MAP3K5: variants seen among roughly 807,000 people sequenced by gnomAD.
MAP3K5 encodes mitogen-activated protein kinase kinase kinase 5, also known as ASK-1.
Under a neutral mutation model 158.7 loss-of-function variants are expected in MAP3K5, and 56 were observed. The observed-to-expected ratio is 0.35, with a 90% CI of 0.28 to 0.44. The LOEUF is 0.44. Among genes scored for constraint, MAP3K5 ranks in the 20% least tolerant of loss-of-function variants. MAP3K5 has a pLI of 1.00. For missense variants in MAP3K5, 1,294 were observed against 1,674.8 expected, an observed-to-expected ratio of 0.77 and a Z score of 3.97; for synonymous variants, 579 against 601.7, an observed-to-expected ratio of 0.96 and a Z score of 0.55.
At chr6:136,677,448 A>G (rs542227771) in intron 7 of MAP3K5, among the ~76,000 whole-genome samples, 1 of 152,286 alleles carries the variant, frequency 6.6e-6, no homozygotes, top group South Asian at 2.1e-4. Flanking sequence ...TCTCCACTTT[A>G]ACTGAAGATG....
rs1186869347 is a variant in MAP3K5 at position 136,557,788 on chromosome 6, A to G, written c.4095T>C (p.Ala1365=). The G allele has an allele frequency of 1.2e-6, 2 of 1,612,616 alleles. No individual in the cohort carries two copies. Among genetic ancestry groups the G allele is most frequent in the African/African-American group, 1.3e-5 (1 of 74,892 alleles). ...RGGMLCTLWK[A]IIDFRNKQT ...TCTGTTTGTTTCGAAAGTCAATGAT[A>G]GCCTTCCACAGTGTGCACAGCATCC... The change falls in exon 30 of 30, where the codon GCT becomes GCC. Residue 1365 remains alanine, a synonymous_variant. Coordinates refer to ENST00000359015, the MANE Select transcript of MAP3K5 (RefSeq NM_005923.4).
chr6:136,622,710 C>CG, intron 15 of MAP3K5, 138 bp downstream of exon 15: 2 of 914,260 alleles, frequency 2.2e-6, no homozygotes, highest in Non-Finnish European at 3.4e-6. Flanking sequence ...GATGCAGCAG[C>CG]GAAACCTCAG....
intron 11 of MAP3K5, among the ~76,000 whole-genome samples, chr6:136,645,332 C>A (rs1029417774): frequency 7.9e-5 from 12 of 152,144 alleles, no homozygotes; most frequent in Non-Finnish European, 1.5e-4. Context: ...AGCATCAAAT[C>A]ATCTTAATCT....
intron 14 of MAP3K5, chr6:136,636,744 A>T (rs1362874276): frequency 1.2e-6 from 1 of 803,060 alleles, no homozygotes; most frequent in East Asian, 1.3e-4. Flanking sequence ...GGAATTCAAG[A>T]CCAGTCTGGG....
chr6:136,769,793 A>AAGGAAGGAAGGAAGGAAGGG (rs1444283215), intron 1 of MAP3K5, among the ~76,000 whole-genome samples: 1 of 15,804 alleles, frequency 6.3e-5, no homozygotes, highest in Admixed American at 8.4e-4. Flanking sequence ...GGAAGGAAGG[A>AAGGAAGGAAGGAAGGAAGGG]AGGGAGGGAG....
chr6:136,762,191 A>C (rs1036449606), intron 1 of MAP3K5, among the ~76,000 whole-genome samples: 1 of 152,134 alleles, frequency 6.6e-6, no homozygotes, highest in African/African-American at 2.4e-5. Context: ...GTCTATCCTG[A>C]TGCCCAGCCA....
At position 136,580,355 on chromosome 6, in the gene MAP3K5, A is replaced by C; in HGVS notation, c.3463T>G (p.Leu1155Val). The C allele has an allele frequency of 6.2e-7, 1 of 1,613,906 alleles. No homozygotes were observed. Among genetic ancestry groups the C allele is most frequent in the Non-Finnish European group, 8.5e-7 (1 of 1,179,784 alleles). ...HNIKPHWMFA[L>V]DSIIRKAVQT... ...ACCGCCTTCCGAATGATACTGTCTA[A>C]GGCAAACATCCAGTGCGGCTTGATG... Residue 1155 changes from leucine (L) to valine (V), a missense_variant, in exon 25 of 30, where the codon TTA becomes GTA. By Grantham distance (32) the Leu-to-Val change is conservative (BLOSUM62 1). Transcript: ENST00000359015.
intron 18 of MAP3K5, among the ~76,000 whole-genome samples, chr6:136,610,137 C>A (rs561995283): frequency 6.6e-6 from 1 of 151,840 alleles, no homozygotes; most frequent in Non-Finnish European, 1.5e-5. Flanking sequence ...CTTCCCCTTA[C>A]CCTTTTTTTT....
chr6:136,707,272 T>C (rs1781117517), intron 2 of MAP3K5, among the ~76,000 whole-genome samples: 1 of 152,202 alleles, frequency 6.6e-6, no homozygotes, highest in African/African-American at 2.4e-5. Context: ...ATACGCACAA[T>C]TGCTAAAAGT....
intron 19 of MAP3K5, among the ~76,000 whole-genome samples, chr6:136,604,871 T>C (rs1282840812): frequency 6.6e-6 from 1 of 152,212 alleles, no homozygotes; most frequent in African/African-American, 2.4e-5. Flanking sequence ...AAAAAGTTCT[T>C]CTATCTTCAT....
intron 10 of MAP3K5, among the ~76,000 whole-genome samples, chr6:136,654,217 C>T (rs1485804457): frequency 6.6e-6 from 1 of 152,146 alleles, no homozygotes; most frequent in Non-Finnish European, 1.5e-5. Flanking sequence ...TCCTATCATC[C>T]CCTTCCCAGA....
chr6:136,789,461 C>A (rs538399444), intron 1 of MAP3K5, among the ~76,000 whole-genome samples: 3 of 152,226 alleles, frequency 2.0e-5, no homozygotes, highest in South Asian at 4.1e-4. Flanking sequence ...AAACTGAGAC[C>A]TGTCTAGGTT....
In MAP3K5 at chr6:136,583,650, T is replaced by C. The variant is rs1031150325; in HGVS notation, c.3316A>G (p.Ile1106Val). The part of the protein sequence containing the change: ...EFVRSTDRKI[I>V]ATTLSKLKLE... The stretch of plus-strand genomic sequence containing the variant: ...TTCAGCTTTGACAGTGTGGTGGCTA[T>C]GATTTTTCGGTCAGTGGATCTCACA... Residue 1106 changes from isoleucine to valine, a missense_variant, in exon 24 of 30, where the codon ATA becomes GTA. This residue lies in a region of MAP3K5 where 362 missense variants were observed against 463.2 expected (regional missense o/e 0.78). Transcript: ENST00000359015. 3.7e-6 allele frequency: 6 copies of C among 1,614,138 alleles called. No homozygotes were observed. Among genetic ancestry groups the C allele is most frequent in the South Asian group, 3.3e-5 (3 of 91,094 alleles).
intron 23 of MAP3K5, chr6:136,584,314 G>A (rs1005985483): frequency 6.6e-6 from 1 of 152,402 alleles, no homozygotes; most frequent in African/African-American, 2.4e-5. Flanking sequence ...AAAGACAATA[G>A]GGAGTGTATT....
intron 14 of MAP3K5, among the ~76,000 whole-genome samples, chr6:136,629,631 T>C (rs891818157): frequency 6.6e-6 from 1 of 152,076 alleles, no homozygotes; most frequent in African/African-American, 2.4e-5. Context: ...ATTTTTTGTA[T>C]TTTTAGTAGA....
intron 14 of MAP3K5, among the ~76,000 whole-genome samples, chr6:136,632,769 T>A (rs1777434805): frequency 6.6e-6 from 1 of 152,130 alleles, no homozygotes; most frequent in Admixed American, 6.5e-5. Flanking sequence ...TGGATGCCTT[T>A]ACTTTTAATG....
chr6:136,768,042 A>G (rs1439536909), intron 1 of MAP3K5, among the ~76,000 whole-genome samples: 2 of 152,222 alleles, frequency 1.3e-5, no homozygotes, highest in Non-Finnish European at 2.9e-5. Flanking sequence ...CTCACATGAT[A>G]GATAAAAATT....
intron 7 of MAP3K5, among the ~76,000 whole-genome samples, chr6:136,671,544 C>T (rs981347536): frequency 1.3e-5 from 2 of 152,112 alleles, no homozygotes; most frequent in African/African-American, 4.8e-5. Context: ...GGGAATTCTC[C>T]CATACTGTAA....
intron 15 of MAP3K5, among the ~76,000 whole-genome samples, chr6:136,616,292 C>A (rs1312165227): frequency 6.7e-6 from 1 of 148,430 alleles, no homozygotes; most frequent in African/African-American, 2.5e-5. Context: ...TGGTTCATAC[C>A]TGCTCCTCTT....
Sources: allele counts gnomAD v4.1 joint callset (sites outside exome capture counted in the v4.1 genomes callset), GRCh38; gene constraint gnomAD v4.1.1; regional missense constraint gnomAD v4.1.1; transcripts MANE v1.5; gene names NCBI Gene and HGNC (gene_info 2026-07-23, HGNC 2026-07-21).